DHRSX: variants seen among roughly 807,000 people sequenced by gnomAD.
DHRSX encodes the protein polyprenol dehydrogenase.
In DHRSX, 31 loss-of-function variants were observed where a neutral mutation model predicts 34.0. The observed-to-expected ratio is 0.91, with a 90% CI of 0.69 to 1.23. DHRSX has a LOEUF of 1.23. DHRSX is among the 50% of genes most tolerant of loss of function. The probability of loss-of-function intolerance (pLI) is 0.00; values close to 1 mark genes in which losing one functional copy is unlikely to be tolerated. For synonymous variants in DHRSX, 201 were observed against 183.8 expected (o/e 1.09, Z -0.76); for missense variants, 414 against 428.1 (o/e 0.97, Z 0.29).
intron 3 of DHRSX, among the ~76,000 whole-genome samples, chrX:2,383,510 C>T (rs1284901277): frequency 4.6e-5 from 7 of 152,092 alleles, no homozygotes; most frequent in Non-Finnish European, 1.0e-4. Flanking sequence ...TCATCACTAC[C>T]ACCATCATCA....
At chrX:2,360,174 C>T (rs1001792236) in intron 3 of DHRSX, among the ~76,000 whole-genome samples, 2 of 151,986 alleles carry the variant, frequency 1.3e-5, no homozygotes, top group Non-Finnish European at 2.9e-5. Context: ...CTCACCATTG[C>T]CACCCACGGC....
chrX:2,460,857 A>G (rs1358731726), intron 1 of DHRSX, among the ~76,000 whole-genome samples: 1 of 152,064 alleles, frequency 6.6e-6, no homozygotes, highest in Non-Finnish European at 1.5e-5. Flanking sequence ...TGCAGGTATT[A>G]CAAGCATGAG....
At chrX:2,430,581 T>C (rs5982573) in intron 1 of DHRSX, among the ~76,000 whole-genome samples, 1,840 of 152,280 alleles carry the variant, frequency 0.012, 36 homozygotes, top group African/African-American at 0.042. Flanking sequence ...CGTCTCTTTC[T>C]TCACAGGTGT....
At chrX:2,491,301 T>A (rs2045137664) in intron 1 of DHRSX, among the ~76,000 whole-genome samples, 1 of 152,118 alleles carries the variant, frequency 6.6e-6, no homozygotes, top group South Asian at 2.1e-4. Flanking sequence ...AACTCCTGAC[T>A]TCAGGTGATC....
chrX:2,339,815 G>A (rs1200187038), intron 3 of DHRSX, among the ~76,000 whole-genome samples: 1 of 152,002 alleles, frequency 6.6e-6, no homozygotes, highest in Non-Finnish European at 1.5e-5. Context: ...TGTGAATAGT[G>A]CCACAATAAA....
intron 1 of DHRSX, among the ~76,000 whole-genome samples, chrX:2,457,625 T>C (rs1474529980): frequency 1.3e-5 from 2 of 148,684 alleles, no homozygotes; most frequent in East Asian, 4.1e-4. Flanking sequence ...CCCCTAAGAA[T>C]GCCGCAAAAG....
rs137945775 is a variant in DHRSX at position 2,339,017 on chromosome X, C to T, written c.287-47414G>A. On this transcript the variant is annotated intron_variant, in intron 3 of 6. Transcript: ENST00000334651. Reference sequence around the variant, plus strand: ...ATGATAATCCATATAATTTCCGCAACGAGATGTGATGTAGTATCATGCTTA... The same window carrying T: ...ATGATAATCCATATAATTTCCGCAATGAGATGTGATGTAGTATCATGCTTA... Among the ~76,000 whole-genome samples the T allele has an allele frequency of 2.3e-3, 350 of 152,090 alleles. 1 individual carries two copies. The highest frequency in any genetic ancestry group is 7.7e-3 in the African/African-American group (318 of 41,486).
chrX:2,301,091 T>C (rs1391164548), intron 3 of DHRSX, among the ~76,000 whole-genome samples: 1 of 152,230 alleles, frequency 6.6e-6, no homozygotes, highest in Non-Finnish European at 1.5e-5. Context: ...AGAAGATTTG[T>C]ATCACTCTAA....
chrX:2,381,487 T>A (rs1472769857), intron 3 of DHRSX, among the ~76,000 whole-genome samples: 1 of 151,896 alleles, frequency 6.6e-6, no homozygotes, highest in Non-Finnish European at 1.5e-5. Context: ...CTGGGCATGG[T>A]GGCGCATGCC....
At chrX:2,489,028 C>T in intron 1 of DHRSX, 1 of 1,613,124 alleles carries the variant, frequency 6.2e-7, no homozygotes, top group Non-Finnish European at 8.5e-7. Flanking sequence ...CCTGGGCATG[C>T]CACTCTTCCT....
chrX:2,252,110 T>A (rs935124318), intron 5 of DHRSX, among the ~76,000 whole-genome samples: 1 of 151,988 alleles, frequency 6.6e-6, no homozygotes, highest in African/African-American at 2.4e-5. Context: ...TGGTGGCAGG[T>A]GCCTGTAATC....
Position 2,409,984 on chromosome X carries a change from G to A in DHRSX, c.218-1171C>T, listed in dbSNP as rs776075578. On this transcript the variant is annotated intron_variant, in intron 2 of 6. Transcript: ENST00000334651. Reference sequence around the variant, plus strand: ...TGATCTCAGGTGATCCTCCCGCCTCGGCCTCCACAGTGCTGGGATGACAGG... The same window carrying A: ...TGATCTCAGGTGATCCTCCCGCCTCAGCCTCCACAGTGCTGGGATGACAGG... 3.3e-5 allele frequency among the ~76,000 whole-genome samples: 5 copies of A among 152,166 alleles called. No individual in the cohort carries two copies. In the East Asian group the frequency reaches 9.7e-4, roughly 29 times the overall value.
Position 2,375,146 on chromosome X carries a change from AG to A in DHRSX, c.286+33598del, listed in dbSNP as rs1323708009. 2.2e-5 allele frequency among the ~76,000 whole-genome samples: 3 copies of A among 138,492 alleles called. 1 individual carries two copies. The highest frequency in any genetic ancestry group is 7.4e-5 in the African/African-American group (3 of 40,778). The allele number at this position is 138,492 out of a possible 152,430, so 90.9% of individuals were successfully genotyped here. A position where few individuals can be genotyped will look rare whatever the true frequency, so the allele number is the denominator to read the frequency against. ...CAGACAACACTGTGACTACAGGACA[AG>A]CGGTCACGCTGTCATGGAAGGATGG... On this transcript the variant is annotated intron_variant, in intron 3 of 6. Transcript: ENST00000334651.
intron 1 of DHRSX, among the ~76,000 whole-genome samples, chrX:2,469,179 A>G (rs2044548929): frequency 2.0e-5 from 3 of 151,860 alleles, no homozygotes; most frequent in Admixed American, 1.3e-4. Flanking sequence ...GTTCCCTAAG[A>G]ATGCAGCCAA....
chrX:2,304,026 T>C (rs1275230019), intron 3 of DHRSX, among the ~76,000 whole-genome samples: 1 of 71,340 alleles, frequency 1.4e-5, no homozygotes, highest in African/African-American at 1.0e-4. Flanking sequence ...GATGAACTGA[T>C]GGATGGATGG....
chrX:2,380,300 CAAAAAAA>C (rs60910908), intron 3 of DHRSX, among the ~76,000 whole-genome samples: 1 of 41,602 alleles, frequency 2.4e-5, no homozygotes, highest in South Asian at 1.1e-3. Context: ...GACTCCGTCT[CAAAAAAA>C]AAAAAAAAAA....
intron 3 of DHRSX, 84 bp from the exon 4 acceptor site, chrX:2,291,687 C>A: frequency 2.0e-6 from 2 of 986,338 alleles, no homozygotes; most frequent in South Asian, 2.6e-5. Context: ...AGGTCAAACT[C>A]AATTTCATCT....
chrX:2,293,866 T>C (rs2041896980), intron 3 of DHRSX, among the ~76,000 whole-genome samples: 1 of 152,140 alleles, frequency 6.6e-6, no homozygotes, highest in Non-Finnish European at 1.5e-5. Context: ...CACTGATGTG[T>C]AAAATGCCAG....
chrX:2,308,953 G>T (rs2042132712), intron 3 of DHRSX, among the ~76,000 whole-genome samples: 2 of 152,008 alleles, frequency 1.3e-5, no homozygotes. Flanking sequence ...TAATGAGGCA[G>T]GAAATGCAAA....
Sources: gnomAD v4.1 joint callset for allele counts (sites outside exome capture counted in the v4.1 genomes callset) on GRCh38, gnomAD v4.1.1 for gene constraint, MANE v1.5 for transcripts, NCBI Gene and HGNC (gene_info 2026-07-23, HGNC 2026-07-21) for gene names.